The following BCKDHB variants were observed in gnomAD, a reference collection of about 807,000 sequenced individuals.
BCKDHB encodes branched chain keto acid dehydrogenase E1 subunit beta, also known as 2-oxoisovalerate dehydrogenase subunit beta, mitochondrial.
Under a neutral mutation model 48.5 loss-of-function variants are expected in BCKDHB, and 41 were observed. The observed-to-expected ratio is 0.85, with a 90% CI of 0.66 to 1.10. BCKDHB has a LOEUF of 1.10. Among genes scored for constraint, BCKDHB ranks in the 50% least tolerant of loss-of-function variants. The pLI is 0.00. For synonymous variants in BCKDHB, 201 were observed against 174.8 expected (o/e 1.15, Z -1.18); for missense variants, 496 against 494.2 (o/e 1.00, Z -0.03).
intron 9 of BCKDHB, among the ~76,000 whole-genome samples, chr6:80,325,385 G>A (rs3805872): frequency 0.3 from 45,086 of 152,054 alleles, 7,052 homozygotes; most frequent in Non-Finnish European, 0.36. Context: ...ATAGAAAAAT[G>A]TAATTGCTAG....
At chr6:80,350,826 G>A (rs59739472), downstream of BCKDHB, among the ~76,000 whole-genome samples, 3,719 of 152,154 alleles carry the variant, frequency 0.024, 145 homozygotes, top group African/African-American at 0.085. Context: ...TTTTGTTGTT[G>A]TTGTTTACTT....
chr6:80,253,992 T>C (rs2127939640), intron 8 of BCKDHB, among the ~76,000 whole-genome samples: 1 of 152,010 alleles, frequency 6.6e-6, no homozygotes, highest in South Asian at 2.1e-4. Flanking sequence ...CTGAAATAAT[T>C]ATGATCATTA....
intron 1 of BCKDHB, among the ~76,000 whole-genome samples, chr6:80,118,241 A>G (rs1769813604): frequency 1.3e-5 from 2 of 152,240 alleles, no homozygotes; most frequent in South Asian, 4.1e-4. Flanking sequence ...TATAGTGAAT[A>G]TTACAATAAA....
At chr6:80,161,758 A>G (rs1759574920) in intron 3 of BCKDHB, among the ~76,000 whole-genome samples, 2 of 151,926 alleles carry the variant, frequency 1.3e-5, no homozygotes. Flanking sequence ...TTACAGCCAT[A>G]CTCTTGTCAT....
downstream of BCKDHB, among the ~76,000 whole-genome samples, chr6:80,350,984 G>A (rs1240970418): frequency 1.3e-5 from 2 of 152,174 alleles, no homozygotes; most frequent in African/African-American, 2.4e-5. Flanking sequence ...ACAGAAGAAA[G>A]GAAGCAAAGG....
At chr6:80,281,580 G>A (rs1012845544) in intron 9 of BCKDHB, among the ~76,000 whole-genome samples, 1 of 152,168 alleles carries the variant, frequency 6.6e-6, no homozygotes, top group African/African-American at 2.4e-5. Flanking sequence ...GATGAATATA[G>A]ACTACCATTT....
intron 9 of BCKDHB, among the ~76,000 whole-genome samples, chr6:80,325,695 C>T (rs1768997729): frequency 6.6e-6 from 1 of 152,148 alleles, no homozygotes. Flanking sequence ...AAACCTGTTG[C>T]TAGTTTTGGA....
rs142061282 is a variant in BCKDHB at position 80,202,262 on chromosome 6, C to A, written c.841-840C>A. ...CTGCAAATCAGTTTCAGACTGCGTT[C>A]CATTTTACCTTCTCCAGGACTGTAG... On this transcript the variant is annotated intron_variant, in intron 7 of 9. Coordinates refer to ENST00000320393, the MANE Select transcript of BCKDHB (RefSeq NM_183050.4). Among the ~76,000 whole-genome samples the A allele has an allele frequency of 1.7e-3, 258 of 152,214 alleles. 1 individual carries two copies. Among genetic ancestry groups the A allele is most frequent in the African/African-American group, 6.0e-3 (248 of 41,550 alleles).
chr6:80,223,708 AGGTG>A (rs1775558964), intron 8 of BCKDHB, among the ~76,000 whole-genome samples: 1 of 152,104 alleles, frequency 6.6e-6, no homozygotes, highest in Non-Finnish European at 1.5e-5. Flanking sequence ...TGAGATTTTG[AGGTG>A]TGACAGATAC....
chr6:80,139,706 G>A (rs1367695021), intron 3 of BCKDHB, among the ~76,000 whole-genome samples: 1 of 152,072 alleles, frequency 6.6e-6, no homozygotes, highest in Non-Finnish European at 1.5e-5. Flanking sequence ...GGTTACTGTA[G>A]CCTTGTAGTA....
In BCKDHB at chr6:80,205,353, C is replaced by T. The variant is rs567932803; in HGVS notation, c.951+2141C>T. Among the ~76,000 whole-genome samples the T allele has an allele frequency of 2.0e-5, 3 of 152,038 alleles. No individual in the cohort carries two copies. In the South Asian group the frequency reaches 6.2e-4, roughly 32 times the overall value. ...TTTATCAGTTGTTTTTGTCTTATGACTCATTAGATCGCTGAGTTTTATTCG... is the reference window on the plus strand; with the variant it reads ...TTTATCAGTTGTTTTTGTCTTATGATTCATTAGATCGCTGAGTTTTATTCG... On this transcript the variant is annotated intron_variant, in intron 8 of 9. Transcript: ENST00000320393.
intron 6 of BCKDHB, among the ~76,000 whole-genome samples, chr6:80,174,286 T>G (rs1036915097): frequency 6.6e-5 from 10 of 152,214 alleles, no homozygotes; most frequent in African/African-American, 2.4e-4. Flanking sequence ...AAATACTGGC[T>G]GACATTTATA....
At chr6:80,436,147 CTTTTTTTTTTTTTTTT>C in the BCKDHB span, among the ~76,000 whole-genome samples, 807 of 70,390 alleles carry the variant, frequency 0.011, 16 homozygotes, top group Middle Eastern at 0.043. Context: ...AAATTCTTTT[CTTTTTTTTTTTTTTTT>C]TTTTTTTTTT....
At chr6:80,174,189 G>T (rs1408292) in intron 6 of BCKDHB, among the ~76,000 whole-genome samples, 99,477 of 151,912 alleles carry the variant, frequency 0.65, 33,420 homozygotes, top group African/African-American at 0.8. Flanking sequence ...ACACAAAATT[G>T]TACATTTAAA....
At chr6:80,150,391 G>T (rs1453689353) in intron 3 of BCKDHB, among the ~76,000 whole-genome samples, 1 of 151,964 alleles carries the variant, frequency 6.6e-6, no homozygotes, top group Non-Finnish European at 1.5e-5. Flanking sequence ...TGGGAAACCA[G>T]CTAGGATATA....
At chr6:80,282,078 A>G (rs1356906708) in intron 9 of BCKDHB, among the ~76,000 whole-genome samples, 1 of 152,194 alleles carries the variant, frequency 6.6e-6, no homozygotes, top group Non-Finnish European at 1.5e-5. Context: ...AACACATGAC[A>G]GAGAACTAAC....
At chr6:80,401,335 A>C in the BCKDHB span, among the ~76,000 whole-genome samples, 8 of 151,866 alleles carry the variant, frequency 5.3e-5, no homozygotes, top group Non-Finnish European at 1.2e-4. Context: ...TTTCACCACC[A>C]TCAAAGCCAG....
At chr6:80,327,141 G>C (rs1422816282) in intron 9 of BCKDHB, among the ~76,000 whole-genome samples, 2 of 152,064 alleles carry the variant, frequency 1.3e-5, no homozygotes, top group African/African-American at 2.4e-5. Flanking sequence ...CTTATGATGG[G>C]GTTACCTTCC....
At chr6:80,116,478 T>A (rs1183859309) in intron 1 of BCKDHB, among the ~76,000 whole-genome samples, 1 of 152,280 alleles carries the variant, frequency 6.6e-6, no homozygotes, top group African/African-American at 2.4e-5. Flanking sequence ...GACACAGCTC[T>A]GATCAAAAGC....
Sources: allele counts gnomAD v4.1 joint callset (sites outside exome capture counted in the v4.1 genomes callset), GRCh38; gene constraint gnomAD v4.1.1; transcripts MANE v1.5; gene names NCBI Gene and HGNC (gene_info 2026-07-23, HGNC 2026-07-21).